The following PDE4DIP variants were observed in gnomAD, a reference collection of about 807,000 sequenced individuals.
PDE4DIP encodes the protein phosphodiesterase 4D interacting protein, also known as myomegalin.
Under a neutral mutation model 221.4 loss-of-function variants are expected in PDE4DIP, and 59 were observed. The observed-to-expected ratio is 0.27, with a 90% confidence interval of 0.22 to 0.33. The LOEUF (loss-of-function observed/expected upper bound fraction) is 0.33, where lower values mean the gene tolerates loss of function less well. PDE4DIP is among the 10% of genes least tolerant of loss of function. The probability of loss-of-function intolerance (pLI) is 1.00; values close to 1 mark genes in which losing one functional copy is unlikely to be tolerated. For missense variants in PDE4DIP, 1,036 were observed against 2,154.2 expected (o/e 0.48, Z 10.28); for synonymous variants, 404 against 815.9 (o/e 0.50, Z 8.60).
intron 5 of PDE4DIP, among the ~76,000 whole-genome samples, chr1:148,950,126 G>C (rs2052783515): frequency 6.6e-6 from 1 of 152,076 alleles, no homozygotes; most frequent in Non-Finnish European, 1.5e-5. Flanking sequence ...AGAGCACTTT[G>C]TTTCATTCAC....
At chr1:149,023,899 G>T (rs2152753720) in intron 37 of PDE4DIP, among the ~76,000 whole-genome samples, 1 of 150,698 alleles carries the variant, frequency 6.6e-6, no homozygotes, top group Non-Finnish European at 1.5e-5. Flanking sequence ...CTATATGTAG[G>T]TGTATATATA....
chr1:148,951,523 C>A lies in PDE4DIP; in HGVS notation c.637-9131C>A, dbSNP rs1340501296. On this transcript the variant is annotated intron_variant, in intron 5 of 43. Transcript: ENST00000369354. ...CTGGCGCGAGCTGCATTCCCAGACA[C>A]TCCAGCTCTTACGGAAAGAAGCACT... Among the ~76,000 whole-genome samples, 5 of 152,272 alleles carry A rather than the reference C, an allele frequency of 3.3e-5. No individual in the cohort carries two copies. The East Asian group carries it at 7.7e-4, about 23-fold the overall frequency.
intron 37 of PDE4DIP, among the ~76,000 whole-genome samples, chr1:149,022,481 T>G (rs2073314371): frequency 6.6e-6 from 1 of 152,200 alleles, no homozygotes; most frequent in Non-Finnish European, 1.5e-5. Flanking sequence ...GGAAGTTAGA[T>G]TAGAATTATC....
At chr1:148,822,566 G>T (rs1164103187) in intron 1 of PDE4DIP, among the ~76,000 whole-genome samples, 1 of 151,146 alleles carries the variant, frequency 6.6e-6, no homozygotes, top group Non-Finnish European at 1.5e-5. Flanking sequence ...CTTGAAAATG[G>T]TTCCTGGTAC....
rs1265105578 is a variant in PDE4DIP, at chr1:148,944,057, T to C, written c.636+6193T>C. Among the ~76,000 whole-genome samples the C allele has an allele frequency of 2.9e-4, 44 of 152,342 alleles. 1 individual carries two copies. The highest frequency in any genetic ancestry group is 9.9e-4 in the African/African-American group (41 of 41,586). On this transcript the variant is annotated intron_variant, in intron 5 of 43. Coordinates refer to ENST00000369354, the Ensembl canonical transcript of PDE4DIP. ...GAGGGGAATACAAACTTTCAAACCATAGCAGATACCAAGATGAGAAAGCTG... is the reference window on the plus strand; with the variant it reads ...GAGGGGAATACAAACTTTCAAACCACAGCAGATACCAAGATGAGAAAGCTG...
At chr1:148,922,754 A>AT (rs1479287425) in intron 1 of PDE4DIP, among the ~76,000 whole-genome samples, 6 of 148,464 alleles carry the variant, frequency 4.0e-5, no homozygotes, top group African/African-American at 1.5e-4. Flanking sequence ...CACCCGGCTA[A>AT]TTTTTTGTAT....
intron 1 of PDE4DIP, among the ~76,000 whole-genome samples, chr1:148,813,287 TA>T (rs1666896434): frequency 1.1e-5 from 1 of 92,294 alleles, no homozygotes; most frequent in African/African-American, 3.4e-5. Flanking sequence ...TGTGAAATCT[TA>T]TTATGGTTTT....
intron 17 of PDE4DIP, among the ~76,000 whole-genome samples, chr1:148,975,663 C>G (rs1553536955): frequency 6.6e-6 from 1 of 152,116 alleles, no homozygotes; most frequent in Non-Finnish European, 1.5e-5. Flanking sequence ...TGCCTTTCCT[C>G]CACAGCTAGT....
intron 1 of PDE4DIP, among the ~76,000 whole-genome samples, chr1:148,814,029 G>A (rs587737625): frequency 5.0e-5 from 1 of 20,146 alleles, no homozygotes; most frequent in Non-Finnish European, 9.3e-5. Context: ...CTTGGCTCAC[G>A]GCAACCTTCG....
chr1:148,975,954 G>C (rs1210008645), intron 17 of PDE4DIP, among the ~76,000 whole-genome samples: 1 of 151,816 alleles, frequency 6.6e-6, no homozygotes, highest in African/African-American at 2.4e-5. Flanking sequence ...CTTACAAACA[G>C]ACTCATGTTT....
At chr1:148,978,437 C>A in intron 19 of PDE4DIP, 22 bp downstream of exon 22, 1 of 1,466,272 alleles carries the variant, frequency 6.8e-7, no homozygotes, top group Non-Finnish European at 9.3e-7. Context: ...GAATATAAAC[C>A]TTATTTATTT....
At chr1:148,975,313 G>A (rs2059954297) in intron 17 of PDE4DIP, among the ~76,000 whole-genome samples, 1 of 145,514 alleles carries the variant, frequency 6.9e-6, no homozygotes, top group Non-Finnish European at 1.5e-5. Flanking sequence ...TATAATCAGT[G>A]TTTATCAAGT....
At chr1:148,915,129 G>GGTTTTTTT (rs370784568) in intron 1 of PDE4DIP, among the ~76,000 whole-genome samples, 11,824 of 139,132 alleles carry the variant, frequency 0.085, 63 homozygotes, top group Middle Eastern at 0.13. Context: ...GCTTTCTTCT[G>GGTTTTTTT]GTTTTTTTGT....
At chr1:148,983,667 T>G (rs2061459469) in intron 21 of PDE4DIP, 1 of 152,522 alleles carries the variant, frequency 6.6e-6, no homozygotes, top group Non-Finnish European at 1.5e-5. Flanking sequence ...TGATATAATA[T>G]TCCATTTTCT....
At chr1:148,927,702 A>C (rs1558834060) in intron 1 of PDE4DIP, among the ~76,000 whole-genome samples, 3 of 151,334 alleles carry the variant, frequency 2.0e-5, no homozygotes, top group Non-Finnish European at 3.0e-5. Flanking sequence ...TGATCTAAAG[A>C]CTTCTTTACT....
chr1:148,983,646 A>G (rs2061458083), intron 21 of PDE4DIP: 1 of 152,528 alleles, frequency 6.6e-6, no homozygotes, highest in South Asian at 2.1e-4. Context: ...ATCATTTAAT[A>G]ATATTTAGCA....
At chr1:148,998,998 A>G (rs1395695544) in intron 23 of PDE4DIP, among the ~76,000 whole-genome samples, 1 of 123,976 alleles carries the variant, frequency 8.1e-6, no homozygotes, top group Non-Finnish European at 1.7e-5. Context: ...CCCCCGCCTC[A>G]GCCTCCCAAA....
intron 1 of PDE4DIP, among the ~76,000 whole-genome samples, chr1:148,924,162 G>T (rs1458896562): frequency 6.6e-6 from 1 of 152,252 alleles, no homozygotes; most frequent in Non-Finnish European, 1.5e-5. Context: ...AAGAATATTT[G>T]AAAGCTCATA....
intron 21 of PDE4DIP, chr1:148,985,527 C>G (rs1306528901): frequency 6.6e-6 from 1 of 152,124 alleles, no homozygotes; most frequent in Non-Finnish European, 1.5e-5. Context: ...CAACTTCTCC[C>G]TGTTCTCACC....
Sources: allele counts gnomAD v4.1 joint callset (sites outside exome capture counted in the v4.1 genomes callset), GRCh38; gene constraint gnomAD v4.1.1; transcripts MANE v1.5; gene names NCBI Gene and HGNC (gene_info 2026-07-23, HGNC 2026-07-21).